DNAH14: variants seen among roughly 807,000 people sequenced by gnomAD.
DNAH14 encodes dynein axonemal heavy chain 14, also known as axonemal beta dynein heavy chain 14.
DNAH14 carries 478 observed loss-of-function variants against 520.9 expected under a neutral mutation model. The observed-to-expected ratio is 0.92, with a 90% CI of 0.85 to 0.99. DNAH14 has a LOEUF of 0.99. Ranked by LOEUF, DNAH14 falls within the 50% of genes least tolerant of loss-of-function variation. The pLI is 0.00. For synonymous variants in DNAH14, 1,581 were observed against 1,757.2 expected (o/e 0.90, Z 2.51); for missense variants, 4,831 against 5,234.5 (o/e 0.92, Z 2.38).
chr1:225,251,606 G>A (rs1353963523), intron 43 of DNAH14, among the ~76,000 whole-genome samples: 1 of 152,060 alleles, frequency 6.6e-6, no homozygotes, highest in East Asian at 1.9e-4. Flanking sequence ...TTGCTCTGAA[G>A]AACTTACCAT....
At chr1:225,095,361 A>G (rs2074860587) in intron 21 of DNAH14, among the ~76,000 whole-genome samples, 1 of 152,162 alleles carries the variant, frequency 6.6e-6, no homozygotes, top group Non-Finnish European at 1.5e-5. Flanking sequence ...TCTTGGATGG[A>G]GATGGAGGTC....
intron 8 of DNAH14, among the ~76,000 whole-genome samples, chr1:224,980,383 G>A (rs2062175945): frequency 6.6e-6 from 1 of 152,056 alleles, no homozygotes; most frequent in Non-Finnish European, 1.5e-5. Flanking sequence ...GTGGCCACGG[G>A]GATTTCCTCT....
Position 225,351,896 on chromosome 1 carries a change from T to A in DNAH14, c.11533+13T>A, listed in dbSNP as rs1397250495. On this transcript the variant is annotated intron_variant, in intron 72 of 85. Transcript: ENST00000682510. ...CCACCAGAGGAAAGTAAGAAAGCAT[T>A]CAGTGTTTTAACCTAACTTAAGTAT... is the stretch of plus-strand genomic sequence containing the variant. 3.9e-6 allele frequency: 6 copies of A among 1,545,084 alleles called. No homozygotes were observed. The Admixed American group carries it at 1.2e-4, about 30-fold the overall frequency.
At chr1:225,257,828 C>A in intron 44 of DNAH14, 132 bp from the exon 45 acceptor site, 2 of 746,710 alleles carry the variant, frequency 2.7e-6, no homozygotes, top group Non-Finnish European at 2.0e-6. Flanking sequence ...AGCCACCGTG[C>A]CCAGCCAGCC....
chr1:225,392,305 G>T lies in DNAH14; in HGVS notation c.13345G>T (p.Val4449Leu). ...CTTCTCCAAAGCCTTTCTTGCTGCT[G>T]TGCTTCAAGACTATGGGAGGTCCCG... ...FFFPQAFLAA[V>L]LQDYGRSRGI... Residue 4449 changes from valine (V) to leucine (L), a missense_variant, in exon 84 of 86, where the codon GTG (valine) becomes TTG (leucine). Physicochemically the swap from Val to Leu is conservative, Grantham distance 32. Transcript: ENST00000682510. The T allele has an allele frequency of 6.4e-7, 1 of 1,552,416 alleles. No individual in the cohort carries two copies. Among genetic ancestry groups the T allele is most frequent in the Non-Finnish European group, 8.7e-7 (1 of 1,147,136 alleles).
chr1:225,132,935 A>G (rs1316255745), intron 27 of DNAH14, among the ~76,000 whole-genome samples: 1 of 152,198 alleles, frequency 6.6e-6, no homozygotes, highest in Non-Finnish European at 1.5e-5. Context: ...GTGAGATGGT[A>G]TCTCATTGTA....
intron 83 of DNAH14, among the ~76,000 whole-genome samples, chr1:225,391,232 G>A (rs1199852171): frequency 2.6e-5 from 4 of 152,226 alleles, no homozygotes; most frequent in Non-Finnish European, 1.5e-5. Context: ...GGCCAGAGAG[G>A]TCATGATCCA....
intron 62 of DNAH14, among the ~76,000 whole-genome samples, chr1:225,323,128 A>G (rs1449314253): frequency 6.6e-6 from 1 of 152,186 alleles, no homozygotes; most frequent in African/African-American, 2.4e-5. Context: ...CAGCTAAGGT[A>G]GAGAACATCC....
intron 19 of DNAH14, among the ~76,000 whole-genome samples, chr1:225,081,932 G>T (rs1280030405): frequency 1.3e-5 from 2 of 151,954 alleles, no homozygotes; most frequent in Non-Finnish European, 2.9e-5. Context: ...TGTAGTGATG[G>T]TATATTTTTT....
At chr1:224,975,976 G>A (rs9426160) in intron 8 of DNAH14, among the ~76,000 whole-genome samples, 15,113 of 151,124 alleles carry the variant, frequency 0.1, 2,449 homozygotes, top group African/African-American at 0.34. Context: ...CCTTCATTTC[G>A]TTATGTACCC....
chr1:225,162,484 T>G (rs1172820856), intron 35 of DNAH14, among the ~76,000 whole-genome samples: 1 of 152,216 alleles, frequency 6.6e-6, no homozygotes, highest in Non-Finnish European at 1.5e-5. Flanking sequence ...TCCTCCAGTT[T>G]GTTCTTTTTG....
At chr1:225,270,138 A>G (rs1271921745) in intron 49 of DNAH14, among the ~76,000 whole-genome samples, 3 of 152,144 alleles carry the variant, frequency 2.0e-5, no homozygotes. Flanking sequence ...AATACTATGC[A>G]GCCATAAAAA....
chr1:225,187,070 C>T (rs750729121), intron 37 of DNAH14, among the ~76,000 whole-genome samples: 4 of 151,702 alleles, frequency 2.6e-5, no homozygotes, highest in Admixed American at 2.6e-4. Context: ...TTGCTATATG[C>T]CTTTAGATAT....
chr1:225,154,679 A>C (rs557042575), intron 34 of DNAH14, among the ~76,000 whole-genome samples: 5 of 152,252 alleles, frequency 3.3e-5, no homozygotes, highest in African/African-American at 9.6e-5. Flanking sequence ...CACATCATTT[A>C]CTAGGATAAA....
chr1:225,338,360 AC>A, intron 68 of DNAH14, 178 bp downstream of exon 68: 1 of 805,916 alleles, frequency 1.2e-6, no homozygotes, highest in Non-Finnish European at 2.1e-6. Flanking sequence ...AGAAGAGATA[AC>A]CGATTTTTAT....
intron 35 of DNAH14, among the ~76,000 whole-genome samples, chr1:225,160,388 T>C (rs1001593197): frequency 4.6e-5 from 7 of 152,206 alleles, no homozygotes; most frequent in African/African-American, 7.2e-5. Flanking sequence ...TAATAGGCTA[T>C]GTACATAACT....
chr1:225,195,028 G>A (rs947563233), intron 38 of DNAH14, among the ~76,000 whole-genome samples: 2 of 152,030 alleles, frequency 1.3e-5, no homozygotes, highest in African/African-American at 4.8e-5. Context: ...GCTAGCAAGG[G>A]TATGGAGAAA....
intron 66 of DNAH14, among the ~76,000 whole-genome samples, chr1:225,337,056 T>A (rs1021468562): frequency 6.6e-6 from 1 of 152,220 alleles, no homozygotes; most frequent in East Asian, 1.9e-4. Context: ...ATGCCCTTAT[T>A]GTTGAACACA....
chr1:225,052,416 T>C (rs2068625909), intron 17 of DNAH14, among the ~76,000 whole-genome samples: 1 of 152,176 alleles, frequency 6.6e-6, no homozygotes, highest in Admixed American at 6.5e-5. Flanking sequence ...AGACCAGCCA[T>C]TGTCCACACA....
Sources: gnomAD v4.1 joint callset for allele counts (sites outside exome capture counted in the v4.1 genomes callset) on GRCh38, gnomAD v4.1.1 for gene constraint, MANE v1.5 for transcripts, NCBI Gene and HGNC (gene_info 2026-07-23, HGNC 2026-07-21) for gene names.